Variants in PTK2 observed in about 807,000 individuals in gnomAD.
PTK2 encodes the protein protein tyrosine kinase 2, also known as focal adhesion kinase 1.
Under a neutral mutation model 150.1 loss-of-function variants are expected in PTK2, and 45 were observed. The ratio of observed to expected loss-of-function variants is 0.30; its 90% CI spans 0.24 to 0.38. PTK2 has a LOEUF of 0.38. Among genes scored for constraint, PTK2 ranks in the 10% least tolerant of loss-of-function variants. The pLI, the probability that PTK2 is intolerant of heterozygous loss-of-function variation, is 1.00. For synonymous variants in PTK2, 432 were observed against 449.2 expected (o/e 0.96, Z 0.48); for missense variants, 919 against 1,307.3 (o/e 0.70, Z 4.58).
chr8:140,931,244 G>A (rs2100171659), intron 1 of PTK2, among the ~76,000 whole-genome samples: 1 of 152,062 alleles, frequency 6.6e-6, no homozygotes, highest in Non-Finnish European at 1.5e-5. Context: ...ACCTTCTGGA[G>A]GTGTTCCATG....
At chr8:140,933,626 G>A (rs976961498) in intron 1 of PTK2, among the ~76,000 whole-genome samples, 4 of 152,182 alleles carry the variant, frequency 2.6e-5, no homozygotes, top group Non-Finnish European at 4.4e-5. Context: ...AAAACATTAT[G>A]CCAAGTGTTA....
intron 1 of PTK2, among the ~76,000 whole-genome samples, chr8:140,957,098 A>C (rs186076819): frequency 3.0e-4 from 45 of 152,204 alleles, no homozygotes; most frequent in African/African-American, 1.0e-3. Flanking sequence ...TGATAAATTA[A>C]AATTTTAAAA....
chr8:140,678,145 C>G (rs1309988051), intron 27 of PTK2, among the ~76,000 whole-genome samples: 2 of 152,206 alleles, frequency 1.3e-5, no homozygotes, highest in Non-Finnish European at 2.9e-5. Context: ...AGCCCAGGTT[C>G]AAGTGATTCT....
chr8:140,712,794 C>A (rs546553268), intron 23 of PTK2, among the ~76,000 whole-genome samples: 2 of 152,190 alleles, frequency 1.3e-5, no homozygotes, highest in Admixed American at 6.5e-5. Context: ...GTCAAGATCA[C>A]GGTAATAAGT....
At chr8:140,963,221 C>T (rs868241433) in intron 1 of PTK2, among the ~76,000 whole-genome samples, 7 of 152,248 alleles carry the variant, frequency 4.6e-5, no homozygotes, top group African/African-American at 1.7e-4. Context: ...CTAATTCTTT[C>T]CACGAGCTAT....
At chr8:140,851,807 C>T (rs192832694) in intron 5 of PTK2, among the ~76,000 whole-genome samples, 75 of 150,738 alleles carry the variant, frequency 5.0e-4, no homozygotes, top group Admixed American at 4.7e-3. Flanking sequence ...TGCAGTGAGC[C>T]GAGATCATGC....
At chr8:140,828,458 T>C (rs1421273090) in intron 8 of PTK2, among the ~76,000 whole-genome samples, 5 of 152,144 alleles carry the variant, frequency 3.3e-5, no homozygotes, top group Admixed American at 1.3e-4. Context: ...TAGAATGTAT[T>C]GGACTCCTAA....
At chr8:140,971,638 A>G (rs1480586707) in intron 1 of PTK2, among the ~76,000 whole-genome samples, 4 of 152,238 alleles carry the variant, frequency 2.6e-5, no homozygotes, top group Non-Finnish European at 4.4e-5. Flanking sequence ...CAGTACTTAT[A>G]TGAGGAATTT....
chr8:140,926,193 T>G lies in PTK2; in HGVS notation c.-121-444A>C, dbSNP rs533380099. Among the ~76,000 whole-genome samples the G allele has an allele frequency of 2.7e-4, 41 of 152,344 alleles. 2 individuals carry two copies. The highest frequency in any genetic ancestry group is 2.7e-3 in the Admixed American group (41 of 15,300). On this transcript the variant is annotated intron_variant, in intron 1 of 31. Coordinates refer to ENST00000522684, the Ensembl canonical transcript of PTK2. Reference sequence around the variant, plus strand: ...AGTGCTTTACATCTATTTTCTCAATTAATACTTTAAATAACCAATAACATA... The same window carrying G: ...AGTGCTTTACATCTATTTTCTCAATGAATACTTTAAATAACCAATAACATA...
intron 5 of PTK2, among the ~76,000 whole-genome samples, chr8:140,860,419 G>A (rs7005972): frequency 0.016 from 2,431 of 152,280 alleles, 55 homozygotes; most frequent in African/African-American, 0.056. Flanking sequence ...ACTGGAGGAC[G>A]TGAACATACT....
chr8:140,668,182 G>C, intron 30 of PTK2, 87 bp downstream of exon 34: 2 of 1,496,212 alleles, frequency 1.3e-6, no homozygotes, highest in South Asian at 1.2e-5. Context: ...GGTGGGGCGG[G>C]GGGACCTAGA....
At chr8:140,834,006 TA>T (rs1167302079) in intron 7 of PTK2, among the ~76,000 whole-genome samples, 2 of 152,188 alleles carry the variant, frequency 1.3e-5, no homozygotes, top group African/African-American at 4.8e-5. Context: ...TTAGTTGAAT[TA>T]AATTAAAAAT....
intron 16 of PTK2, among the ~76,000 whole-genome samples, chr8:140,757,799 G>A (rs2100066742): frequency 1.3e-5 from 2 of 152,186 alleles, no homozygotes; most frequent in Admixed American, 6.5e-5. Context: ...TTTGGTCAAT[G>A]ATGGACCACA....
chr8:140,807,601 G>A (rs541457223), intron 10 of PTK2, among the ~76,000 whole-genome samples: 97 of 152,342 alleles, frequency 6.4e-4, no homozygotes, highest in African/African-American at 2.1e-3. Context: ...CCAGTGGTAT[G>A]TGGCTCCTCC....
intron 28 of PTK2, 66 bp from the exon 32 acceptor site, chr8:140,674,470 T>C: frequency 7.1e-7 from 1 of 1,405,316 alleles, no homozygotes; most frequent in Non-Finnish European, 9.8e-7. Flanking sequence ...CTGGGGGCAG[T>C]GGCTCATGCC....
intron 14 of PTK2, among the ~76,000 whole-genome samples, chr8:140,782,253 TTG>T (rs1491254204): frequency 5.4e-5 from 6 of 111,360 alleles, no homozygotes; most frequent in African/African-American, 2.4e-4. Context: ...GTTTTTTTTT[TTG>T]GGGGGGGGGA....
chr8:140,673,041 A>C (rs909425329), intron 29 of PTK2, among the ~76,000 whole-genome samples: 5 of 152,212 alleles, frequency 3.3e-5, no homozygotes, highest in African/African-American at 1.2e-4. Flanking sequence ...GGTAAAGCAA[A>C]GTTTATCTTA....
exon 25 of PTK2, chr8:140,702,590 T>C (rs764882462): frequency 6.2e-7 from 1 of 1,613,596 alleles, no homozygotes; most frequent in Non-Finnish European, 8.5e-7. Context: ...GGCTGCCACA[T>C]TGCTATCTCC....
chr8:140,953,708 A>AG lies in PTK2; in HGVS notation c.-121-27960dup, dbSNP rs369391982. On this transcript the variant is annotated intron_variant, in intron 1 of 31. Coordinates refer to ENST00000522684, the Ensembl canonical transcript of PTK2. ...AAAAGCAAAACCACAGACTGGGGGG[A>AG]GGGAGCTGCTCTACCAGTCAAGAGC... Among the ~76,000 whole-genome samples, 973 of 152,276 alleles carry AG rather than the reference A, an allele frequency of 6.4e-3. 12 individuals are homozygous for AG. The highest frequency in any genetic ancestry group is 0.022 in the African/African-American group (926 of 41,544).
Sources: gnomAD v4.1 joint callset for allele counts (sites outside exome capture counted in the v4.1 genomes callset) on GRCh38, gnomAD v4.1.1 for gene constraint, MANE v1.5 for transcripts, NCBI Gene and HGNC (gene_info 2026-07-23, HGNC 2026-07-21) for gene names.